FAM20A: variants seen among roughly 807,000 people sequenced by gnomAD.
The protein encoded by FAM20A is pseudokinase FAM20A.
In FAM20A, 42 loss-of-function variants were observed where a neutral mutation model predicts 52.0. The ratio of observed to expected loss-of-function variants is 0.81; its 90% CI spans 0.63 to 1.04. The LOEUF (loss-of-function observed/expected upper bound fraction) is 1.04, where lower values mean the gene tolerates loss of function less well. Ranked by LOEUF, FAM20A falls within the 50% of genes least tolerant of loss-of-function variation. The probability of loss-of-function intolerance (pLI) is 0.00; values close to 1 mark genes in which losing one functional copy is unlikely to be tolerated. For missense variants in FAM20A, 742 were observed against 712.7 expected (o/e 1.04, Z -0.47); for synonymous variants, 304 against 298.9 (o/e 1.02, Z -0.18).
At chr17:68,545,898 G>A (rs138763554) in intron 4 of FAM20A, among the ~76,000 whole-genome samples, 76 of 152,238 alleles carry the variant, frequency 5.0e-4, no homozygotes, top group African/African-American at 1.8e-3. Flanking sequence ...GGTCGGGTGC[G>A]GTGGCTCATG....
chr17:68,558,862 G>A (rs2087130431), intron 1 of FAM20A, among the ~76,000 whole-genome samples: 3 of 152,052 alleles, frequency 2.0e-5, no homozygotes, highest in African/African-American at 2.4e-5. Context: ...AGGTTCAAGC[G>A]ATTCTCCTGC....
chr17:68,598,336 A>G (rs2088514861), intron 1 of FAM20A, among the ~76,000 whole-genome samples: 2 of 152,110 alleles, frequency 1.3e-5, no homozygotes. Context: ...GATATAAGTA[A>G]CAACACATCT....
intron 4 of FAM20A, among the ~76,000 whole-genome samples, chr17:68,546,698 C>T (rs188962617): frequency 1.0e-3 from 157 of 152,064 alleles, no homozygotes; most frequent in Non-Finnish European, 5.7e-4. Context: ...GGCATGGTGG[C>T]CGGCGCCTGT....
chr17:68,567,200 T>C (rs1291699621), intron 1 of FAM20A, among the ~76,000 whole-genome samples: 1 of 151,968 alleles, frequency 6.6e-6, no homozygotes, highest in Non-Finnish European at 1.5e-5. Flanking sequence ...CTATGGTCTC[T>C]GTCTCAACTG....
At chr17:68,571,987 C>CATATATAT (rs57442973) in intron 1 of FAM20A, among the ~76,000 whole-genome samples, 73 of 43,678 alleles carry the variant, frequency 1.7e-3, no homozygotes, top group Non-Finnish European at 3.0e-3. Flanking sequence ...TATATACATA[C>CATATATAT]ATATATATAT....
chr17:68,575,444 T>TAA lies in FAM20A; in HGVS notation c.405-19702_405-19701insTT, dbSNP rs2087702999. On this transcript the variant is annotated intron_variant, in intron 1 of 10. Coordinates refer to ENST00000592554, the MANE Select transcript of FAM20A (RefSeq NM_017565.4). ...TTATATATATTATATATTTTATATA[T>TAA]TATATATTTTATATATTATATATAA... Among the ~76,000 whole-genome samples, 13 of 119,818 alleles carry TAA rather than the reference T, an allele frequency of 1.1e-4. No individual in the cohort carries two copies. The South Asian group carries it at 1.6e-3, about 15-fold the overall frequency. 78.6% of individuals were successfully genotyped at this position (119,818 alleles called of 152,430 possible).
At chr17:68,590,415 T>G (rs1309092006) in intron 1 of FAM20A, 2 of 152,066 alleles carry the variant, frequency 1.3e-5, no homozygotes, top group Non-Finnish European at 2.9e-5. Flanking sequence ...TGAGACCTCT[T>G]TTTTCAGGAG....
intron 1 of FAM20A, among the ~76,000 whole-genome samples, chr17:68,558,113 C>A (rs1356760836): frequency 3.3e-5 from 5 of 152,032 alleles, no homozygotes; most frequent in African/African-American, 1.2e-4. Flanking sequence ...GCTTTGAAGA[C>A]CCACTATTGT....
At chr17:68,593,980 G>C (rs1165982867) in intron 1 of FAM20A, among the ~76,000 whole-genome samples, 1 of 152,236 alleles carries the variant, frequency 6.6e-6, no homozygotes, top group African/African-American at 2.4e-5. Context: ...GACATAGGGT[G>C]GTGGAGCTGG....
intron 1 of FAM20A, among the ~76,000 whole-genome samples, chr17:68,585,682 C>T (rs1212204812): frequency 6.6e-6 from 1 of 152,122 alleles, no homozygotes; most frequent in African/African-American, 2.4e-5. Flanking sequence ...TGCCTGCTGC[C>T]CTTTCCTCTG....
intron 1 of FAM20A, among the ~76,000 whole-genome samples, chr17:68,595,232 C>T (rs1567753447): frequency 6.6e-6 from 1 of 152,208 alleles, no homozygotes; most frequent in Non-Finnish European, 1.5e-5. Context: ...CTCTGGTTCT[C>T]AGCTGAAGGG....
intron 1 of FAM20A, among the ~76,000 whole-genome samples, chr17:68,581,733 G>C (rs536046145): frequency 2.0e-5 from 3 of 151,666 alleles, no homozygotes; most frequent in Admixed American, 6.6e-5. Flanking sequence ...GCACCACCAT[G>C]CCCGGCTAAT....
At chr17:68,596,360 G>T (rs2143941563) in intron 1 of FAM20A, among the ~76,000 whole-genome samples, 1 of 152,354 alleles carries the variant, frequency 6.6e-6, no homozygotes, top group African/African-American at 2.4e-5. Context: ...AGCTGACCCT[G>T]TTTGACCTTG....
chr17:68,587,804 T>G (rs1402944041), intron 1 of FAM20A, among the ~76,000 whole-genome samples: 1 of 152,208 alleles, frequency 6.6e-6, no homozygotes, highest in African/African-American at 2.4e-5. Context: ...CTCTACATGT[T>G]CATGGTGTTA....
At chr17:68,585,958 C>G (rs1246467853) in intron 1 of FAM20A, among the ~76,000 whole-genome samples, 1 of 152,214 alleles carries the variant, frequency 6.6e-6, no homozygotes, top group Non-Finnish European at 1.5e-5. Context: ...TGCCTAGTCA[C>G]TACCAGGAAT....
chr17:68,539,308 C>T (rs890901752), intron 10 of FAM20A, 29 bp downstream of exon 10: 4 of 1,612,604 alleles, frequency 2.5e-6, no homozygotes, highest in Admixed American at 3.3e-5. Context: ...CTGTTACTTG[C>T]CCGTATTATC....
At chr17:68,562,751 C>T (rs2143753716) in intron 1 of FAM20A, among the ~76,000 whole-genome samples, 1 of 152,216 alleles carries the variant, frequency 6.6e-6, no homozygotes, top group East Asian at 1.9e-4. Flanking sequence ...CTCCTTGAGT[C>T]CCTGTGGTTA....
In FAM20A at chr17:68,537,126, A is replaced by C. The variant is rs1237465060; in HGVS notation, c.*351T>G. 4.1e-6 allele frequency: 2 copies of C among 484,392 alleles called. No individual in the cohort carries two copies. Among genetic ancestry groups the C allele is most frequent in the Admixed American group, 2.3e-5 (1 of 43,408 alleles). 30.0% of individuals were successfully genotyped at this position (484,392 alleles called of 1,614,324 possible). ...AAGGATCCTGAGAAGTCAGGTATCCACTTGATGTCCTTTTATTTGACTTGT... is the reference window on the plus strand; with the variant it reads ...AAGGATCCTGAGAAGTCAGGTATCCCCTTGATGTCCTTTTATTTGACTTGT... On this transcript the variant is annotated 3_prime_UTR_variant, in exon 11 of 11. Coordinates refer to ENST00000592554, the MANE Select transcript of FAM20A (RefSeq NM_017565.4). The surrounding 1 kb of genome is among the most constrained non-coding windows in gnomAD (Gnocchi z 4.2).
chr17:68,590,316 T>A (rs2088268614), intron 1 of FAM20A: 1 of 152,232 alleles, frequency 6.6e-6, no homozygotes, highest in African/African-American at 2.4e-5. Context: ...GGTCACAGAC[T>A]CCCCCTCTTC....
Sources: gnomAD v4.1 joint callset for allele counts (sites outside exome capture counted in the v4.1 genomes callset) on GRCh38, gnomAD v4.1.1 for gene constraint, Gnocchi (gnomAD v3.1) non-coding constraint, MANE v1.5 for transcripts, NCBI Gene and HGNC (gene_info 2026-07-23, HGNC 2026-07-21) for gene names.